PDS5B: variants seen among roughly 807,000 people sequenced by gnomAD.
The protein encoded by PDS5B is sister chromatid cohesion protein PDS5 homolog B.
In PDS5B, 51 loss-of-function variants were observed where a neutral mutation model predicts 184.1. That is an observed-to-expected ratio of 0.28 (90% CI 0.22 to 0.35). PDS5B has a LOEUF of 0.35. Among genes scored for constraint, PDS5B ranks in the 10% least tolerant of loss-of-function variants. The pLI is 1.00. For synonymous variants in PDS5B, 566 were observed against 569.2 expected, an observed-to-expected ratio of 0.99 and a Z score of 0.08; for missense variants, 1,180 against 1,723.3, an observed-to-expected ratio of 0.68 and a Z score of 5.58.
chr13:32,728,296 G>A (rs555168671), intron 19 of PDS5B, among the ~76,000 whole-genome samples: 2 of 151,830 alleles, frequency 1.3e-5, no homozygotes, highest in East Asian at 3.9e-4. Flanking sequence ...TCATTTTTGG[G>A]TCTGTTTCTA....
At chr13:32,717,033 C>T (rs1385737218) in intron 19 of PDS5B, among the ~76,000 whole-genome samples, 2 of 140,034 alleles carry the variant, frequency 1.4e-5, no homozygotes, top group African/African-American at 5.8e-5. Flanking sequence ...GGTCAGCCCC[C>T]CGCCCGGCCA....
intron 2 of PDS5B, chr13:32,650,383 T>G (rs1950339392): frequency 6.6e-6 from 1 of 152,178 alleles, no homozygotes. Context: ...CTTAGAAAAA[T>G]ATGAAAAAAT....
At chr13:32,642,335 G>T (rs1419879345) in intron 1 of PDS5B, among the ~76,000 whole-genome samples, 2 of 152,098 alleles carry the variant, frequency 1.3e-5, no homozygotes, top group South Asian at 2.1e-4. Flanking sequence ...AATGTTATAT[G>T]CTACTTTTCT....
At chr13:32,660,457 T>C (rs1378631093) in intron 6 of PDS5B, among the ~76,000 whole-genome samples, 2 of 139,456 alleles carry the variant, frequency 1.4e-5, no homozygotes, top group African/African-American at 5.5e-5. Flanking sequence ...AGCCACAGAA[T>C]GCCCTAGGGA....
chr13:32,706,453 C>T (rs1356834730), intron 17 of PDS5B, among the ~76,000 whole-genome samples: 1 of 151,966 alleles, frequency 6.6e-6, no homozygotes, highest in South Asian at 2.1e-4. Context: ...GATTCTTACA[C>T]CTTTTAGGAG....
chr13:32,658,616 T>C (rs1280815678), intron 5 of PDS5B, 85 bp downstream of exon 5: 2 of 650,928 alleles, frequency 3.1e-6, no homozygotes, highest in South Asian at 2.0e-5. Flanking sequence ...ACTGTTACAA[T>C]GAATATTAGA....
At chr13:32,599,291 T>C (rs1166029530) in intron 1 of PDS5B, among the ~76,000 whole-genome samples, 2 of 152,042 alleles carry the variant, frequency 1.3e-5, no homozygotes, top group African/African-American at 4.8e-5. Context: ...CGAGATTGCA[T>C]CTTGTTTTGT....
intron 18 of PDS5B, among the ~76,000 whole-genome samples, chr13:32,708,773 C>T (rs185132542): frequency 0.013 from 1,989 of 152,000 alleles, 28 homozygotes; most frequent in South Asian, 0.062. Flanking sequence ...CTACTGACAT[C>T]TCTATCTTTT....
At chr13:32,757,024 C>A (rs1954206015) in intron 26 of PDS5B, among the ~76,000 whole-genome samples, 1 of 151,818 alleles carries the variant, frequency 6.6e-6, no homozygotes, top group Non-Finnish European at 1.5e-5. Flanking sequence ...ACTTGGGAGG[C>A]TGAGGCAGGA....
chr13:32,703,255 AT>A (rs952059001), intron 17 of PDS5B, among the ~76,000 whole-genome samples: 14 of 152,156 alleles, frequency 9.2e-5, no homozygotes, highest in Non-Finnish European at 1.5e-4. Context: ...AACTTTGGAA[AT>A]TTTTTTTACA....
chr13:32,618,549 T>C (rs2058251491), intron 1 of PDS5B, among the ~76,000 whole-genome samples: 1 of 152,142 alleles, frequency 6.6e-6, no homozygotes, highest in South Asian at 2.1e-4. Context: ...GGTTCAGTAG[T>C]ATATGTTTTG....
intron 1 of PDS5B, among the ~76,000 whole-genome samples, chr13:32,613,166 T>A (rs2058167896): frequency 6.6e-6 from 1 of 152,236 alleles, no homozygotes; most frequent in South Asian, 2.1e-4. Context: ...GTTATTTCCA[T>A]TTTTCAGCTA....
At chr13:32,646,477 G>A (rs13378517) in intron 1 of PDS5B, among the ~76,000 whole-genome samples, 2,090 of 148,772 alleles carry the variant, frequency 0.014, 53 homozygotes, top group African/African-American at 0.048. Flanking sequence ...CAACTGAATG[G>A]TATTGCTGTG....
intron 34 of PDS5B, among the ~76,000 whole-genome samples, chr13:32,774,790 T>G (rs1954903042): frequency 6.6e-6 from 1 of 152,176 alleles, no homozygotes; most frequent in Non-Finnish European, 1.5e-5. Flanking sequence ...TAAAATAATT[T>G]TTTTCTTTCA....
At chr13:32,592,442 A>G (rs1482395095) in intron 1 of PDS5B, among the ~76,000 whole-genome samples, 1 of 151,998 alleles carries the variant, frequency 6.6e-6, no homozygotes, top group Non-Finnish European at 1.5e-5. Context: ...TTTTTAGTAG[A>G]GACAGGGTTT....
chr13:32,695,506 C>A (rs143059418), intron 14 of PDS5B, among the ~76,000 whole-genome samples: 4 of 151,938 alleles, frequency 2.6e-5, no homozygotes, highest in Admixed American at 2.6e-4. Context: ...CTACTTGGAG[C>A]TCTGTATATT....
intron 24 of PDS5B, among the ~76,000 whole-genome samples, chr13:32,751,445 G>A (rs1421532073): frequency 6.6e-6 from 1 of 152,156 alleles, no homozygotes; most frequent in Non-Finnish European, 1.5e-5. Flanking sequence ...CCTGCTTTCC[G>A]CAATGGCTAA....
chr13:32,621,017 A>G (rs1171300514), intron 1 of PDS5B, among the ~76,000 whole-genome samples: 2 of 152,268 alleles, frequency 1.3e-5, no homozygotes, highest in African/African-American at 4.8e-5. Context: ...CTATAATGGA[A>G]AAACAGAAAT....
chr13:32,633,396 T>C (rs1264842450), intron 1 of PDS5B, among the ~76,000 whole-genome samples: 1 of 152,224 alleles, frequency 6.6e-6, no homozygotes, highest in Non-Finnish European at 1.5e-5. Context: ...ATGTGAATTC[T>C]GTCTTAATAA....
Sources: gnomAD v4.1 joint callset for allele counts (sites outside exome capture counted in the v4.1 genomes callset) on GRCh38, gnomAD v4.1.1 for gene constraint, MANE v1.5 for transcripts, NCBI Gene and HGNC (gene_info 2026-07-23, HGNC 2026-07-21) for gene names.